The following NRXN3 variants were observed in gnomAD, a reference collection of about 807,000 sequenced individuals.
NRXN3 encodes the protein neurexin III.
In NRXN3, 32 loss-of-function variants were observed where a neutral mutation model predicts 137.6. That is an observed-to-expected ratio of 0.23 (90% CI 0.18 to 0.31). NRXN3 has a LOEUF of 0.31. Among genes scored for constraint, NRXN3 ranks in the 10% least tolerant of loss-of-function variants. The pLI is 1.00. For synonymous variants in NRXN3, 798 were observed against 784.5 expected, an observed-to-expected ratio of 1.02 and a Z score of -0.29; for missense variants, 1,574 against 2,062.5, an observed-to-expected ratio of 0.76 and a Z score of 4.59.
At chr14:78,715,982 A>G (rs2098430708) in intron 8 of NRXN3, among the ~76,000 whole-genome samples, 1 of 152,202 alleles carries the variant, frequency 6.6e-6, no homozygotes, top group Non-Finnish European at 1.5e-5. Context: ...GGACCTGAAC[A>G]AAGTCCAGAA....
At position 78,988,019 on chromosome 14, in the gene NRXN3, T is replaced by C. The variant is rs1343270137; in HGVS notation, c.3143-3T>C. The C allele has an allele frequency of 2.5e-6, 4 of 1,613,520 alleles. No individual in the cohort carries two copies. The highest frequency in any genetic ancestry group is 3.4e-6 in the Non-Finnish European group (4 of 1,179,730). ...TTTTTCCCCTCTTCTTGTGCATTAC[T>C]AGGACCCAGTACCACCTGCCAGGAA... On this transcript the variant is annotated splice_region_variant and splice_polypyrimidine_tract_variant and intron_variant, in intron 14 of 20. Transcript: ENST00000335750.
chr14:78,856,122 A>C (rs1020507008), intron 10 of NRXN3, among the ~76,000 whole-genome samples: 3 of 152,176 alleles, frequency 2.0e-5, no homozygotes, highest in Non-Finnish European at 2.9e-5. Flanking sequence ...AAAACACTCC[A>C]ACCTCAGTAT....
In NRXN3 at chr14:78,536,587, T is replaced by C. The variant is rs72683519; in HGVS notation, c.758-108533T>C. ...ATATGTAGATTGAAATAAACATGCCTGAGACCTACAGATTATTTTTCTTTT... is the reference window on the plus strand; with the variant it reads ...ATATGTAGATTGAAATAAACATGCCCGAGACCTACAGATTATTTTTCTTTT... On this transcript the variant is annotated intron_variant, in intron 4 of 20. Transcript: ENST00000335750. 4.3e-3 allele frequency among the ~76,000 whole-genome samples: 654 copies of C among 151,476 alleles called. 7 individuals carry two copies. The highest frequency in any genetic ancestry group is 0.021 in the Middle Eastern group (6 of 288).
At chr14:79,052,531 A>G (rs2099643460) in intron 15 of NRXN3, among the ~76,000 whole-genome samples, 1 of 152,182 alleles carries the variant, frequency 6.6e-6, no homozygotes, top group African/African-American at 2.4e-5. Flanking sequence ...ATGGATTGAG[A>G]CACAAAGCTT....
At chr14:79,707,834 AAAAG>A (rs1440598839) in intron 19 of NRXN3, among the ~76,000 whole-genome samples, 1 of 152,146 alleles carries the variant, frequency 6.6e-6, no homozygotes, top group Non-Finnish European at 1.5e-5. Flanking sequence ...TAGAAGAAGT[AAAAG>A]AAAGGAGAAG....
intron 15 of NRXN3, among the ~76,000 whole-genome samples, chr14:79,278,665 T>G (rs993451342): frequency 2.6e-5 from 4 of 152,212 alleles, no homozygotes; most frequent in African/African-American, 4.8e-5. Context: ...CTCTGGATTT[T>G]GAATCCCAAC....
intron 20 of NRXN3, among the ~76,000 whole-genome samples, chr14:79,853,219 A>G (rs571849025): frequency 6.6e-6 from 1 of 152,294 alleles, no homozygotes; most frequent in South Asian, 2.1e-4. Context: ...CCCCCACTCT[A>G]GATGGGGCTG....
intron 15 of NRXN3, among the ~76,000 whole-genome samples, chr14:79,438,571 C>G (rs1293540554): frequency 6.6e-6 from 1 of 152,152 alleles, no homozygotes; most frequent in Non-Finnish European, 1.5e-5. Flanking sequence ...ATATCTGTAA[C>G]TCTTTCTAGG....
chr14:79,220,759 A>G lies in NRXN3; in HGVS notation c.3262+232618A>G, dbSNP rs190388862. 6.4e-3 allele frequency among the ~76,000 whole-genome samples: 967 copies of G among 152,044 alleles called. 5 individuals carry two copies. The highest frequency in any genetic ancestry group is 0.01 in the Non-Finnish European group (689 of 67,970). ...ATATCTTTTTTTAATATATACATAT[A>G]TATTTTTTATTATACTTTAAGTTCT... On this transcript the variant is annotated intron_variant, in intron 15 of 20. Transcript: ENST00000335750.
intron 7 of NRXN3, chr14:78,709,923 A>T: frequency 2.3e-6 from 1 of 442,216 alleles, no homozygotes; most frequent in Non-Finnish European, 4.1e-6. Context: ...TTTTACAAGT[A>T]GCATTTCCAC....
chr14:78,967,075 G>T, intron 12 of NRXN3, 133 bp from the exon 13 acceptor site: 1 of 709,844 alleles, frequency 1.4e-6, no homozygotes. Context: ...CTCATATCAA[G>T]ATTTAAATTA....
intron 19 of NRXN3, among the ~76,000 whole-genome samples, chr14:79,713,681 C>A (rs187250747): frequency 3.8e-4 from 56 of 149,020 alleles, no homozygotes; most frequent in African/African-American, 1.4e-3. Flanking sequence ...CACCAATTCC[C>A]TCTCTAACCC....
intron 15 of NRXN3, among the ~76,000 whole-genome samples, chr14:79,006,264 G>A (rs1276493765): frequency 6.6e-6 from 1 of 152,088 alleles, no homozygotes; most frequent in Non-Finnish European, 1.5e-5. Context: ...AATATTTTGG[G>A]GAAGAATGAG....
chr14:78,338,383 A>T (rs2081736345), intron 4 of NRXN3, among the ~76,000 whole-genome samples: 1 of 152,238 alleles, frequency 6.6e-6, no homozygotes, highest in South Asian at 2.1e-4. Flanking sequence ...TATTGAACAG[A>T]GCAGTCTTAA....
At chr14:79,433,159 G>A (rs1279217361) in intron 15 of NRXN3, among the ~76,000 whole-genome samples, 3 of 152,122 alleles carry the variant, frequency 2.0e-5, no homozygotes, top group African/African-American at 7.2e-5. Context: ...AAAGAAACGT[G>A]GGTATTCTTT....
At chr14:79,512,388 A>G (rs908252793) in intron 16 of NRXN3, among the ~76,000 whole-genome samples, 3 of 152,174 alleles carry the variant, frequency 2.0e-5, no homozygotes, top group South Asian at 4.1e-4. Context: ...CCAGATGACT[A>G]TTAGGAAGAG....
intron 8 of NRXN3, among the ~76,000 whole-genome samples, chr14:78,725,612 G>C (rs1239650534): frequency 6.6e-6 from 1 of 152,166 alleles, no homozygotes; most frequent in Non-Finnish European, 1.5e-5. Flanking sequence ...TGAGAGTAGA[G>C]GTAGAAGGAG....
intron 14 of NRXN3, among the ~76,000 whole-genome samples, chr14:78,969,407 C>T (rs1481211286): frequency 6.6e-6 from 1 of 152,200 alleles, no homozygotes; most frequent in Non-Finnish European, 1.5e-5. Flanking sequence ...AAAGAAGTTG[C>T]CTGACCAAGG....
chr14:79,023,987 T>C (rs1595047897), intron 15 of NRXN3, among the ~76,000 whole-genome samples: 1 of 152,160 alleles, frequency 6.6e-6, no homozygotes, highest in East Asian at 1.9e-4. Context: ...TTTTATTTAT[T>C]TTATATTTTG....
Sources: gnomAD v4.1 joint callset for allele counts (sites outside exome capture counted in the v4.1 genomes callset) on GRCh38, gnomAD v4.1.1 for gene constraint, MANE v1.5 for transcripts, NCBI Gene and HGNC (gene_info 2026-07-23, HGNC 2026-07-21) for gene names.